HSF5: variants seen among roughly 807,000 people sequenced by gnomAD.
HSF5 encodes the protein heat shock transcription factor 5.
HSF5 carries 5 observed loss-of-function variants against 50.8 expected under a neutral mutation model. That is an observed-to-expected ratio of 0.10 (90% CI 0.05 to 0.21). The LOEUF (loss-of-function observed/expected upper bound fraction) is 0.21. HSF5 is among the 10% of genes least tolerant of loss of function. The pLI, the probability that HSF5 is intolerant of heterozygous loss-of-function variation, is 1.00. For synonymous variants in HSF5, 307 were observed against 307.4 expected (o/e 1.00, Z 0.02); for missense variants, 564 against 762.6 (o/e 0.74, Z 3.07).
chr17:58,464,390 C>T (rs1319209212), intron 3 of HSF5, among the ~76,000 whole-genome samples: 1 of 152,128 alleles, frequency 6.6e-6, no homozygotes, highest in African/African-American at 2.4e-5. Flanking sequence ...CCCAAAGTTA[C>T]AATGAAATAA....
chr17:58,430,180 TCTC>T (rs1434962703), intron 5 of HSF5, among the ~76,000 whole-genome samples: 2 of 152,068 alleles, frequency 1.3e-5, no homozygotes, highest in Admixed American at 6.5e-5. Flanking sequence ...TTCAAGCAAT[TCTC>T]CTGCCTCAGC....
In HSF5 at chr17:58,488,175, C is replaced by T. The variant is rs760035916; in HGVS notation, c.100G>A (p.Gly34Ser). The change falls in exon 1 of 6, where the codon GGC (glycine) becomes AGC (serine). Residue 34 changes from glycine to serine, a missense_variant. Transcript: ENST00000323777. This position sits in a 1 kb window ranked among gnomAD's most constrained non-coding sequence, Gnocchi z 4.1. ...TCGATAAGCAGCCCCTCGCCGCGGC[C>T]GTCCCAGCGGATGGAGCGGTAGCGC... ...SPRYRSIRWD[G>S]RGEGLLIDQP... The T allele has an allele frequency of 4.2e-5, 65 of 1,529,796 alleles. No individual in the cohort carries two copies. Among genetic ancestry groups the T allele is most frequent in the Non-Finnish European group, 5.6e-5 (64 of 1,151,998 alleles). The allele number at this position is 1,529,796 out of a possible 1,614,324, so 94.8% of individuals were successfully genotyped here.
intron 5 of HSF5, among the ~76,000 whole-genome samples, chr17:58,434,079 A>G (rs1379370870): frequency 6.6e-6 from 1 of 151,292 alleles, no homozygotes; most frequent in Non-Finnish European, 1.5e-5. Context: ...CCGCCTGGTT[A>G]ATTTTGTATT....
chr17:58,464,254 T>C (rs1490349074), intron 3 of HSF5, among the ~76,000 whole-genome samples: 2 of 152,236 alleles, frequency 1.3e-5, no homozygotes, highest in African/African-American at 4.8e-5. Flanking sequence ...TATTGAGTTA[T>C]TACTATGTGC....
chr17:58,421,067 A>C lies in HSF5; in HGVS notation c.*1293T>G, dbSNP rs1178664386. On this transcript the variant is annotated 3_prime_UTR_variant, in exon 6 of 6. Transcript: ENST00000323777. Reference sequence around the variant, plus strand: ...AGAACTGAAACAGAATCCAATAAGAAAGTTTTGGTCAATTGAAAGACTTTA... The same window carrying C: ...AGAACTGAAACAGAATCCAATAAGACAGTTTTGGTCAATTGAAAGACTTTA... 3 of 152,624 alleles carry C rather than the reference A, an allele frequency of 2.0e-5. No homozygotes were observed. The East Asian group carries it at 5.8e-4, about 29-fold the overall frequency. The allele number at this position is 152,624 out of a possible 1,614,324, so 9.5% of individuals were successfully genotyped here.
chr17:58,471,602 T>C (rs1013905491), intron 2 of HSF5, among the ~76,000 whole-genome samples: 5 of 141,502 alleles, frequency 3.5e-5, no homozygotes, highest in Non-Finnish European at 7.5e-5. Context: ...TTTCTTTTTC[T>C]TTTTCTTTCC....
chr17:58,438,220 G>T (rs578013731), intron 5 of HSF5, among the ~76,000 whole-genome samples: 14 of 152,132 alleles, frequency 9.2e-5, no homozygotes, highest in African/African-American at 3.4e-4. Flanking sequence ...GCTATGTTTA[G>T]ATACACAAAT....
At chr17:58,439,820 A>G (rs1974476256) in intron 5 of HSF5, among the ~76,000 whole-genome samples, 1 of 152,244 alleles carries the variant, frequency 6.6e-6, no homozygotes, top group Non-Finnish European at 1.5e-5. Context: ...TTTTAAAATT[A>G]AACATTTGAA....
rs549143845 is a variant in HSF5 at position 58,428,608 on chromosome 17, G to A, written c.1721-6178C>T. On this transcript the variant is annotated intron_variant, in intron 5 of 5. Transcript: ENST00000323777. ...CAGGAGGCGGAGCTTGCAGTGAGCC[G>A]AGATCACACCACTGCACTCCAGCCT... Among the ~76,000 whole-genome samples the A allele has an allele frequency of 4.6e-5, 7 of 151,678 alleles. 1 individual carries two copies. In the South Asian group the frequency reaches 6.3e-4, roughly 14 times the overall value.
chr17:58,478,199 C>T (rs1020200857), intron 2 of HSF5, among the ~76,000 whole-genome samples: 3 of 151,052 alleles, frequency 2.0e-5, no homozygotes, highest in East Asian at 1.9e-4. Flanking sequence ...TTTGGGAGGC[C>T]GAGGTGGGTG....
At position 58,454,442 on chromosome 17, in the gene HSF5, T is replaced by G. The variant is rs577671243; in HGVS notation, c.1720+4326A>C. 1.7e-4 allele frequency among the ~76,000 whole-genome samples: 26 copies of G among 152,192 alleles called. 1 individual carries two copies. In the East Asian group the frequency reaches 1.9e-3, roughly 11 times the overall value. Reference sequence around the variant, plus strand: ...TCTGGAACAAGCCAAGAATGCCCACTTTCACCACTTTTATTCAACACAGTA... The same window carrying G: ...TCTGGAACAAGCCAAGAATGCCCACGTTCACCACTTTTATTCAACACAGTA... On this transcript the variant is annotated intron_variant, in intron 5 of 5. Transcript: ENST00000323777.
intron 5 of HSF5, among the ~76,000 whole-genome samples, chr17:58,456,342 C>T (rs1295532786): frequency 6.6e-6 from 1 of 151,918 alleles, no homozygotes; most frequent in Non-Finnish European, 1.5e-5. Flanking sequence ...TGATCTTACT[C>T]ATATATGGAA....
intron 3 of HSF5, among the ~76,000 whole-genome samples, chr17:58,465,522 A>T (rs1001028976): frequency 1.3e-5 from 2 of 151,836 alleles, no homozygotes; most frequent in African/African-American, 2.4e-5. Context: ...ATCATGCTTG[A>T]TCATATCAGC....
At chr17:58,486,904 T>C (rs903063788) in intron 1 of HSF5, among the ~76,000 whole-genome samples, 49 of 11,166 alleles carry the variant, frequency 4.4e-3, no homozygotes, top group Admixed American at 0.025. Context: ...AGTTCTCTCT[T>C]TTTTTTTTTT....
Position 58,447,584 on chromosome 17 carries a change from T to G in HSF5, c.1720+11184A>C, listed in dbSNP as rs534910238. Reference sequence around the variant, plus strand: ...AGGGAAGAGTGTAGGGGGACTTTACTTGAGAACCCAGGGAACTCTCCCTGA... The same window carrying G: ...AGGGAAGAGTGTAGGGGGACTTTACGTGAGAACCCAGGGAACTCTCCCTGA... On this transcript the variant is annotated intron_variant, in intron 5 of 5. Coordinates refer to ENST00000323777, the MANE Select transcript of HSF5 (RefSeq NM_001080439.3). Among the ~76,000 whole-genome samples the G allele has an allele frequency of 3.9e-5, 6 of 152,080 alleles. No homozygotes were observed. The South Asian group carries it at 1.2e-3, about 32-fold the overall frequency.
intron 3 of HSF5, among the ~76,000 whole-genome samples, chr17:58,463,506 C>G (rs972701558): frequency 6.6e-6 from 1 of 152,158 alleles, no homozygotes; most frequent in Non-Finnish European, 1.5e-5. Context: ...TACTACATGT[C>G]AACCACTCTG....
chr17:58,437,885 T>C (rs903612035), intron 5 of HSF5, among the ~76,000 whole-genome samples: 2 of 152,228 alleles, frequency 1.3e-5, no homozygotes, highest in Non-Finnish European at 2.9e-5. Context: ...TTATTTTGAG[T>C]ACCTTTGGGA....
At chr17:58,468,830 T>G (rs1265081728) in intron 2 of HSF5, among the ~76,000 whole-genome samples, 2 of 150,998 alleles carry the variant, frequency 1.3e-5, no homozygotes, top group Non-Finnish European at 3.0e-5. Flanking sequence ...TTTGGATGAC[T>G]TTTTTTAACA....
At chr17:58,457,137 G>A (rs1425967279) in intron 5 of HSF5, among the ~76,000 whole-genome samples, 5 of 152,018 alleles carry the variant, frequency 3.3e-5, no homozygotes, top group Non-Finnish European at 1.5e-5. Flanking sequence ...GAGTGTGCCT[G>A]TAATCCCAGC....
Sources: gnomAD v4.1 joint callset for allele counts (sites outside exome capture counted in the v4.1 genomes callset) on GRCh38, gnomAD v4.1.1 for gene constraint, Gnocchi (gnomAD v3.1) non-coding constraint, MANE v1.5 for transcripts, NCBI Gene and HGNC (gene_info 2026-07-23, HGNC 2026-07-21) for gene names.